TMEM144: variants seen among roughly 807,000 people sequenced by gnomAD.
TMEM144 encodes the protein transmembrane protein 144.
TMEM144 carries 39 observed loss-of-function variants against 43.6 expected under a neutral mutation model. That is an observed-to-expected ratio of 0.90 (90% CI 0.69 to 1.17). The LOEUF (loss-of-function observed/expected upper bound fraction) is 1.17, where lower values mean the gene tolerates loss of function less well. Among genes scored for constraint, TMEM144 ranks in the 50% most tolerant of loss-of-function variants. TMEM144 has a pLI of 0.00. For synonymous variants in TMEM144, 154 were observed against 133.6 expected (o/e 1.15, Z -1.06); for missense variants, 417 against 411.9 (o/e 1.01, Z -0.11).
intron 6 of TMEM144, among the ~76,000 whole-genome samples, chr4:158,230,668 C>T (rs1346416601): frequency 6.6e-6 from 1 of 151,424 alleles, no homozygotes; most frequent in Non-Finnish European, 1.5e-5. Flanking sequence ...ATATAAAACA[C>T]ACATATATGT....
At chr4:158,235,529 T>G in intron 8 of TMEM144, 24 bp downstream of exon 8, 1 of 1,588,352 alleles carries the variant, frequency 6.3e-7, no homozygotes, top group Non-Finnish European at 8.6e-7. Flanking sequence ...ACTTCTTTGC[T>G]CTATTACTCT....
In TMEM144 at chr4:158,235,491, A is replaced by G; in HGVS notation, c.549A>G (p.Val183=). The part of the protein sequence containing the change: ...PCSWVDKLST[V]HHRIVGCSLA... ...CCTGGGTGGATAAACTTTCTACAGT[A>G]CACCACCGCATAGTGTAAGGAGAGG... Residue 183 remains valine, a synonymous_variant, in exon 8 of 13, where the codon GTA becomes GTG. Coordinates refer to ENST00000296529, the MANE Select transcript of TMEM144 (RefSeq NM_018342.5). The G allele has an allele frequency of 6.2e-7, 1 of 1,613,914 alleles. No individual in the cohort carries two copies. Among genetic ancestry groups the G allele is most frequent in the Middle Eastern group, 1.7e-4 (1 of 6,060 alleles).
chr4:158,247,443 G>A (rs543041576), intron 12 of TMEM144, among the ~76,000 whole-genome samples: 2 of 151,768 alleles, frequency 1.3e-5, no homozygotes, highest in Non-Finnish European at 2.9e-5. Context: ...TTTAAAAAAT[G>A]TACACATTGT....
chr4:158,227,037 G>A (rs1034651580), intron 6 of TMEM144, among the ~76,000 whole-genome samples: 8 of 151,526 alleles, frequency 5.3e-5, no homozygotes, highest in Non-Finnish European at 1.0e-4. Context: ...TACTTTTGTT[G>A]AAAACCTTGT....
At chr4:158,235,045 T>TA (rs1432359241) in intron 7 of TMEM144, 10 of 154,794 alleles carry the variant, frequency 6.5e-5, no homozygotes, top group Non-Finnish European at 1.3e-4. Context: ...ACTAATTTAG[T>TA]AAAAAAAACA....
intron 6 of TMEM144, among the ~76,000 whole-genome samples, chr4:158,231,346 A>G (rs1735068580): frequency 6.6e-6 from 1 of 152,180 alleles, no homozygotes; most frequent in African/African-American, 2.4e-5. Context: ...AGGAAGTCAA[A>G]GAGAGACTTT....
intron 2 of TMEM144, 21 bp from the exon 3 acceptor site, chr4:158,212,587 T>C: frequency 1.9e-6 from 2 of 1,028,922 alleles, no homozygotes; most frequent in South Asian, 1.7e-5. Flanking sequence ...CTCAATTGTT[T>C]CATTTTTTCT....
At position 158,254,100 on chromosome 4, in the gene TMEM144, T is replaced by C. The variant is rs1156537523; in HGVS notation, c.*573T>C. ...ATTTCAAGTTAATATCGCCCAACTC[T>C]ACATCATCTACCCATTTTAGCTCAT... On this transcript the variant is annotated 3_prime_UTR_variant, in exon 13 of 13. Transcript: ENST00000296529. 6.6e-6 allele frequency: 1 copy of C among 152,384 alleles called. No individual in the cohort carries two copies. Among genetic ancestry groups the C allele is most frequent in the Non-Finnish European group, 1.5e-5 (1 of 68,172 alleles). 9.4% of individuals were successfully genotyped at this position (152,384 alleles called of 1,614,324 possible).
chr4:158,245,258 GTGTGTATGTA>G (rs749442100), intron 12 of TMEM144, among the ~76,000 whole-genome samples: 92 of 94,952 alleles, frequency 9.7e-4, no homozygotes, highest in Non-Finnish European at 1.6e-3. Flanking sequence ...GTGTGTGTGT[GTGTGTATGTA>G]TGTTTTCTTT....
In TMEM144 at chr4:158,237,660, A is replaced by G; in HGVS notation, c.682+17A>G. The G allele has an allele frequency of 6.7e-7, 1 of 1,494,030 alleles. No homozygotes were observed. 92.5% of individuals were successfully genotyped at this position (1,494,030 alleles called of 1,614,324 possible). ...GCCAATATGGTGAGAATAAAAAGTT[A>G]TCTTACTTTATTAATATCTACTTTT... On this transcript the variant is annotated intron_variant, in intron 9 of 12. Transcript: ENST00000296529.
At chr4:158,237,308 T>G (rs1336516114) in intron 8 of TMEM144, 1 of 452,318 alleles carries the variant, frequency 2.2e-6, no homozygotes, top group Non-Finnish European at 3.9e-6. Context: ...CTTCTAAAAT[T>G]AGACACTGGT....
At chr4:158,228,927 G>A (rs964583218) in intron 6 of TMEM144, among the ~76,000 whole-genome samples, 4 of 152,218 alleles carry the variant, frequency 2.6e-5, no homozygotes, top group African/African-American at 7.2e-5. Context: ...TGAGAGGGTC[G>A]TGATGGATTG....
At chr4:158,243,792 G>C (rs991294888) in intron 11 of TMEM144, among the ~76,000 whole-genome samples, 1 of 152,034 alleles carries the variant, frequency 6.6e-6, no homozygotes, top group African/African-American at 2.4e-5. Context: ...AGCCAGACTT[G>C]ATTGCTCTGT....
At chr4:158,251,595 A>G (rs948286036) in intron 12 of TMEM144, among the ~76,000 whole-genome samples, 6 of 152,206 alleles carry the variant, frequency 3.9e-5, no homozygotes, top group Non-Finnish European at 7.3e-5. Context: ...TGAACCCAAC[A>G]TGGTGCTGGA....
At chr4:158,250,836 A>G (rs936895547) in intron 12 of TMEM144, among the ~76,000 whole-genome samples, 1 of 152,200 alleles carries the variant, frequency 6.6e-6, no homozygotes, top group Non-Finnish European at 1.5e-5. Flanking sequence ...CCAACAAGTC[A>G]GTCAACTCTT....
At chr4:158,247,811 T>C (rs1029176923) in intron 12 of TMEM144, among the ~76,000 whole-genome samples, 1 of 151,912 alleles carries the variant, frequency 6.6e-6, no homozygotes, top group African/African-American at 2.4e-5. Flanking sequence ...TATAATTAGG[T>C]AGTTCTCTCT....
chr4:158,237,123 A>G (rs2272050), intron 8 of TMEM144, among the ~76,000 whole-genome samples: 26,410 of 152,184 alleles, frequency 0.17, 2,890 homozygotes, highest in Non-Finnish European at 0.25. Flanking sequence ...GCTGGATAGC[A>G]TGGCCTGTTA....
At chr4:158,253,267 G>A (rs539830274) in intron 12 of TMEM144, among the ~76,000 whole-genome samples, 177 bp from the exon 13 acceptor site, 1 of 152,294 alleles carries the variant, frequency 6.6e-6, no homozygotes, top group African/African-American at 2.4e-5. Context: ...TACGGAATGG[G>A]TGAATTCATA....
intron 3 of TMEM144, among the ~76,000 whole-genome samples, chr4:158,214,575 G>C (rs1011153177): frequency 1.3e-5 from 2 of 152,148 alleles, no homozygotes; most frequent in Non-Finnish European, 2.9e-5. Flanking sequence ...CAGATAACTG[G>C]AAAATGGCAA....
Sources: gnomAD v4.1 joint callset for allele counts (sites outside exome capture counted in the v4.1 genomes callset) on GRCh38, gnomAD v4.1.1 for gene constraint, MANE v1.5 for transcripts, NCBI Gene and HGNC (gene_info 2026-07-23, HGNC 2026-07-21) for gene names.